The following KIF3C variants were observed in gnomAD, a reference collection of about 807,000 sequenced individuals.
The protein encoded by KIF3C is kinesin family member 3C.
A neutral mutation model predicts 67.7 loss-of-function variants in KIF3C; 12 were observed. The ratio of observed to expected loss-of-function variants is 0.18; its 90% CI spans 0.11 to 0.29. KIF3C has a LOEUF of 0.29. Among genes scored for constraint, KIF3C ranks in the 10% least tolerant of loss-of-function variants. The probability of loss-of-function intolerance (pLI) is 1.00; values close to 1 mark genes in which losing one functional copy is unlikely to be tolerated. For missense variants in KIF3C, 789 were observed against 1,059.6 expected, an observed-to-expected ratio of 0.74 and a Z score of 3.55; for synonymous variants, 393 against 426.2, an observed-to-expected ratio of 0.92 and a Z score of 0.96.
chr2:25,979,803 C>T (rs1187415592), intron 1 of KIF3C, among the ~76,000 whole-genome samples: 1 of 152,130 alleles, frequency 6.6e-6, no homozygotes, highest in Non-Finnish European at 1.5e-5. Context: ...TAGGATGGAA[C>T]CTTGGTCACG....
chr2:25,929,925 T>C (rs773034687), intron 6 of KIF3C, 30 bp downstream of exon 6: 1 of 1,507,920 alleles, frequency 6.6e-7, no homozygotes, highest in South Asian at 1.1e-5. Flanking sequence ...CTCCCTCCCG[T>C]AGGCTCTTTC....
Position 25,981,407 on chromosome 2 carries a change from G to A in KIF3C, c.511C>T (p.Pro171Ser). ...TCCTTGATGTAGACGCCAGTCTCGG[G>A]GTTCTCTTTCAGCTCTAGCCTCTTG... ...PGKRLELKENPETGVYIKDLS... is the reference protein window; with the variant it reads ...PGKRLELKENSETGVYIKDLS... Residue 171 changes from proline (P) to serine (S), a missense_variant, in exon 1 of 8, where the codon CCC (proline) becomes TCC (serine). Physicochemically the swap from Pro to Ser is moderately conservative, Grantham distance 74 (BLOSUM62 -1). This residue lies in a region of KIF3C where 141 missense variants were observed against 251.8 expected (regional missense o/e 0.56). Coordinates refer to ENST00000264712, the MANE Select transcript of KIF3C (RefSeq NM_002254.8). This position sits in a 1 kb window ranked among gnomAD's most constrained non-coding sequence, Gnocchi z 8.2. 1 of 1,614,184 alleles carries A rather than the reference G, an allele frequency of 6.2e-7. No homozygotes were observed. Among genetic ancestry groups the A allele is most frequent in the Non-Finnish European group, 8.5e-7 (1 of 1,180,026 alleles).
chr2:25,975,701 G>A (rs187789224), intron 1 of KIF3C, among the ~76,000 whole-genome samples: 3 of 152,280 alleles, frequency 2.0e-5, no homozygotes, highest in South Asian at 2.1e-4. Flanking sequence ...GCTCAGGCCT[G>A]TAATCCCAGC....
rs184401026 is a variant in KIF3C at position 25,934,141 on chromosome 2, C to T, written c.2007-4078G>A. 21 of 470,896 alleles carry T rather than the reference C, an allele frequency of 4.5e-5. No individual in the cohort carries two copies. The East Asian group carries it at 1.4e-3, about 31-fold the overall frequency. 29.2% of individuals were successfully genotyped at this position (470,896 alleles called of 1,614,324 possible). On this transcript the variant is annotated intron_variant, in intron 5 of 7. Transcript: ENST00000264712. ...CAACGGACTACATATTGTGTGATTC[C>T]ATTTACATAAAATATCTGGAATAGG...
chr2:25,947,942 G>A (rs1252553971), intron 5 of KIF3C, among the ~76,000 whole-genome samples: 1 of 152,192 alleles, frequency 6.6e-6, no homozygotes, highest in African/African-American at 2.4e-5. Flanking sequence ...CTAGAGTACA[G>A]TGGCATGATC....
At chr2:25,970,907 T>TGAGGTCAG (rs1322084317) in intron 1 of KIF3C, among the ~76,000 whole-genome samples, 1 of 123,414 alleles carries the variant, frequency 8.1e-6, no homozygotes, top group Admixed American at 9.3e-5. Context: ...GGGTGGATCA[T>TGAGGTCAG]GAGGTCAGGA....
chr2:25,934,303 G>C (rs1574477865), intron 5 of KIF3C: 2 of 402,658 alleles, frequency 5.0e-6, no homozygotes, highest in East Asian at 1.5e-4. Context: ...ATTAGGCTGG[G>C]CGTGGTGGCT....
At position 25,981,375 on chromosome 2, in the gene KIF3C, G is replaced by A; in HGVS notation, c.543C>T (p.Ser181=). 4.3e-6 allele frequency: 7 copies of A among 1,614,196 alleles called. No individual in the cohort carries two copies. The highest frequency in any genetic ancestry group is 5.9e-6 in the Non-Finnish European group (7 of 1,180,030). Residue 181 remains serine, a synonymous_variant, in exon 1 of 8, where the codon TCC becomes TCT. Coordinates refer to ENST00000264712, the MANE Select transcript of KIF3C (RefSeq NM_002254.8). The surrounding 1 kb of genome is among the most constrained non-coding windows in gnomAD (Gnocchi z 8.2). ...PETGVYIKDL[S]SFVTKNVKEI... Reference sequence around the variant, plus strand: ...CCTTGACATTCTTGGTGACGAAGGAGGAGAGGTCCTTGATGTAGACGCCAG... The same window carrying A: ...CCTTGACATTCTTGGTGACGAAGGAAGAGAGGTCCTTGATGTAGACGCCAG...
intron 1 of KIF3C, among the ~76,000 whole-genome samples, chr2:25,966,348 C>T (rs934067463): frequency 1.3e-5 from 2 of 152,206 alleles, no homozygotes; most frequent in Non-Finnish European, 2.9e-5. Context: ...TTAAGTGATC[C>T]ACCCACCTTG....
rs1216036174 is a variant in KIF3C, at chr2:25,954,293, G to A, written c.1863C>T (p.Asn621=). ...RVRQDLEEAQ[N]EQTRELKLKY... is the part of the protein sequence containing the mutation. ...TGAGCTTGAGTTCGCGGGTCTGCTC[G>A]TTCTGCGCCTCCTCCAGGTCCTGCC... Residue 621 remains asparagine, a synonymous_variant, in exon 4 of 8, where the codon AAC becomes AAT. Transcript: ENST00000264712. The A allele has an allele frequency of 6.2e-7, 1 of 1,614,046 alleles. No homozygotes were observed. The highest frequency in any genetic ancestry group is 1.1e-5 in the South Asian group (1 of 91,078).
chr2:25,948,068 A>G (rs1663493035), intron 5 of KIF3C, among the ~76,000 whole-genome samples: 1 of 152,104 alleles, frequency 6.6e-6, no homozygotes, highest in South Asian at 2.1e-4. Flanking sequence ...ACATTTAAGA[A>G]AAAATGAGCT....
intron 5 of KIF3C, among the ~76,000 whole-genome samples, chr2:25,941,710 T>G (rs1663286526): frequency 6.6e-6 from 1 of 152,108 alleles, no homozygotes; most frequent in African/African-American, 2.4e-5. Context: ...CTGGGCAATG[T>G]AGTGAGACCT....
intron 1 of KIF3C, among the ~76,000 whole-genome samples, chr2:25,969,613 C>T (rs914045886): frequency 2.0e-5 from 3 of 152,044 alleles, no homozygotes; most frequent in African/African-American, 2.4e-5. Context: ...ACCATTATTG[C>T]GAGTTCTTAT....
intron 6 of KIF3C, 95 bp downstream of exon 6, chr2:25,929,860 C>G: frequency 3.5e-6 from 3 of 846,090 alleles, no homozygotes; most frequent in Non-Finnish European, 6.0e-6. Context: ...AGGTGATCCA[C>G]CTGCCTCGGC....
intron 1 of KIF3C, among the ~76,000 whole-genome samples, chr2:25,967,851 G>GAAACA (rs556944660): frequency 1.8e-3 from 275 of 152,148 alleles, no homozygotes; most frequent in Non-Finnish European, 3.1e-3. Context: ...ACAAAAAACA[G>GAAACA]AAACAAAACA....
Position 25,951,905 on chromosome 2 carries a change from C to T in KIF3C, c.1890G>A (p.Lys630=), listed in dbSNP as rs530833720. 5 of 1,604,970 alleles carry T rather than the reference C, an allele frequency of 3.1e-6. No individual in the cohort carries two copies. Among genetic ancestry groups the T allele is most frequent in the South Asian group, 1.1e-5 (1 of 90,910 alleles). Residue 630 remains lysine, a splice_region_variant and synonymous_variant, in exon 5 of 8, where the codon AAG becomes AAA. Coordinates refer to ENST00000264712, the MANE Select transcript of KIF3C (RefSeq NM_002254.8). ...GGATGAAGTTCTCGATGATTAGGTA[C>T]CTGGGAGCAGGAATGAAGGAGTGAT... is the stretch of plus-strand genomic sequence containing the variant. ...QNEQTRELKL[K]YLIIENFIPP...
intron 1 of KIF3C, among the ~76,000 whole-genome samples, chr2:25,971,540 T>C (rs1385593980): frequency 6.6e-6 from 1 of 152,120 alleles, no homozygotes; most frequent in Non-Finnish European, 1.5e-5. Context: ...AGAAAGTAAT[T>C]TTTTAGTATG....
At position 25,928,079 on chromosome 2, in the gene KIF3C, G is replaced by A. The variant is rs1163467565; in HGVS notation, c.*899C>T. ...CATTGACTCCTCCCACTGTGAACGG[G>A]GTCTAGGCAGCTGCAGGGAGAAATG... is the stretch of plus-strand genomic sequence containing the variant. On this transcript the variant is annotated 3_prime_UTR_variant, in exon 8 of 8. Coordinates refer to ENST00000264712, the MANE Select transcript of KIF3C (RefSeq NM_002254.8). The A allele has an allele frequency of 1.3e-5, 2 of 152,534 alleles. No homozygotes were observed. Among genetic ancestry groups the A allele is most frequent in the African/African-American group, 4.8e-5 (2 of 41,430 alleles). 9.4% of individuals were successfully genotyped at this position (152,534 alleles called of 1,614,324 possible). A position where few individuals can be genotyped will look rare whatever the true frequency, so the allele number is the denominator to read the frequency against.
rs1056176418 is a variant in KIF3C at position 25,940,139 on chromosome 2, T to C, written c.2007-10076A>G. On this transcript the variant is annotated intron_variant, in intron 5 of 7. Transcript: ENST00000264712. ...GGTTTATCAGTGTGAGTGCAACTCT[T>C]CATTGATCATCTCCTCCGCACCAGG... Among the ~76,000 whole-genome samples the C allele has an allele frequency of 5.3e-5, 8 of 152,170 alleles. 1 individual carries two copies. Among genetic ancestry groups the C allele is most frequent in the African/African-American group, 1.9e-4 (8 of 41,450 alleles).
Sources: gnomAD v4.1 joint callset for allele counts (sites outside exome capture counted in the v4.1 genomes callset) on GRCh38, gnomAD v4.1.1 for gene constraint, gnomAD v4.1.1 regional missense constraint, Gnocchi (gnomAD v3.1) non-coding constraint, MANE v1.5 for transcripts, NCBI Gene and HGNC (gene_info 2026-07-23, HGNC 2026-07-21) for gene names.